CDHR3: variants seen among roughly 807,000 people sequenced by gnomAD.
The protein encoded by CDHR3 is cadherin related family member 3, also known as cadherin-related family member 3.
In CDHR3, 79 loss-of-function variants were observed where a neutral mutation model predicts 86.6. The observed-to-expected ratio is 0.91, with a 90% CI of 0.76 to 1.10. The LOEUF (loss-of-function observed/expected upper bound fraction) is 1.10, where lower values mean the gene tolerates loss of function less well. Among genes scored for constraint, CDHR3 ranks in the 50% least tolerant of loss-of-function variants. The probability of loss-of-function intolerance (pLI) is 0.00; values close to 1 mark genes in which losing one functional copy is unlikely to be tolerated. For synonymous variants in CDHR3, 421 were observed against 402.4 expected (o/e 1.05, Z -0.55); for missense variants, 1,081 against 1,077.6 (o/e 1.00, Z -0.04).
At chr7:106,027,047 A>C (rs1432820922) in intron 16 of CDHR3, among the ~76,000 whole-genome samples, 2 of 152,202 alleles carry the variant, frequency 1.3e-5, no homozygotes, top group Non-Finnish European at 2.9e-5. Flanking sequence ...ACTGCAGCCC[A>C]TGGAGGGTGT....
intron 10 of CDHR3, among the ~76,000 whole-genome samples, chr7:106,015,474 C>T (rs568816475): frequency 6.6e-6 from 1 of 152,218 alleles, no homozygotes; most frequent in South Asian, 2.1e-4. Flanking sequence ...TTTGACTTGG[C>T]ATACAAGATT....
At chr7:106,005,976 G>A (rs555786433) in intron 8 of CDHR3, among the ~76,000 whole-genome samples, 41 of 152,234 alleles carry the variant, frequency 2.7e-4, no homozygotes, top group African/African-American at 7.0e-4. Context: ...GTGACTGGGC[G>A]ATTTACAAAA....
At chr7:105,996,722 A>T (rs1832301046) in intron 6 of CDHR3, among the ~76,000 whole-genome samples, 1 of 151,508 alleles carries the variant, frequency 6.6e-6, no homozygotes, top group Non-Finnish European at 1.5e-5. Flanking sequence ...ATCACTCACG[A>T]CTCCCTAACG....
intron 3 of CDHR3, among the ~76,000 whole-genome samples, chr7:105,983,309 C>G (rs1323253141): frequency 6.6e-6 from 1 of 152,154 alleles, no homozygotes; most frequent in Non-Finnish European, 1.5e-5. Context: ...AAAGCTCAAG[C>G]TCAGATGTAA....
At chr7:106,022,086 A>C (rs1300661581) in intron 13 of CDHR3, 112 bp from the exon 14 acceptor site, 14 of 1,323,916 alleles carry the variant, frequency 1.1e-5, no homozygotes, top group Middle Eastern at 3.7e-4. Flanking sequence ...CACAGTCTAC[A>C]CTTGAGGTGT....
intron 14 of CDHR3, 104 bp from the exon 15 acceptor site, chr7:106,024,277 A>C: frequency 1.0e-6 from 1 of 968,066 alleles, no homozygotes; most frequent in Non-Finnish European, 1.6e-6. Flanking sequence ...CTTATAGAGC[A>C]ATAACAATAA....
chr7:105,990,994 C>T (rs1831271112), intron 4 of CDHR3, among the ~76,000 whole-genome samples: 2 of 152,104 alleles, frequency 1.3e-5, no homozygotes, highest in African/African-American at 4.8e-5. Flanking sequence ...AAAGGGGCGG[C>T]AAATAGAGAA....
rs191277068 is a variant in CDHR3, at chr7:106,013,065, A to G, written c.1224+34A>G. On this transcript the variant is annotated intron_variant, in intron 9 of 18. Transcript: ENST00000317716. ...ATGGTCATTGCATCATTAAAAGGGCATCGGGAATTGGTCCAACATGCATCA... is the reference window on the plus strand; with the variant it reads ...ATGGTCATTGCATCATTAAAAGGGCGTCGGGAATTGGTCCAACATGCATCA... 6.5e-6 allele frequency: 10 copies of G among 1,534,080 alleles called. No individual in the cohort carries two copies. In the Admixed American group the frequency reaches 2.1e-4, roughly 32 times the overall value.
At chr7:105,974,111 G>A (rs1220815794) in intron 1 of CDHR3, among the ~76,000 whole-genome samples, 1 of 152,186 alleles carries the variant, frequency 6.6e-6, no homozygotes, top group Non-Finnish European at 1.5e-5. Flanking sequence ...GTAGTGTTGT[G>A]CACCTTAGAA....
chr7:106,003,691 G>A (rs17288345), intron 7 of CDHR3, among the ~76,000 whole-genome samples: 24,138 of 151,996 alleles, frequency 0.16, 2,441 homozygotes, highest in Middle Eastern at 0.27. Flanking sequence ...CAAAAAGGAC[G>A]TCCAGCCTTA....
intron 7 of CDHR3, among the ~76,000 whole-genome samples, chr7:106,002,218 T>G (rs1013658685): frequency 6.6e-6 from 1 of 152,212 alleles, no homozygotes; most frequent in Non-Finnish European, 1.5e-5. Flanking sequence ...GACTGAGACC[T>G]CTATAAAAAA....
intron 11 of CDHR3, 66 bp downstream of exon 11, chr7:106,016,091 G>A: frequency 3.6e-6 from 4 of 1,116,572 alleles, no homozygotes; most frequent in Non-Finnish European, 5.3e-6. Context: ...TGTGTTCTGT[G>A]GAGTGGAAAA....
At chr7:106,022,476 A>C (rs1235456159) in intron 14 of CDHR3, 28 bp downstream of exon 14, 1 of 1,606,508 alleles carries the variant, frequency 6.2e-7, no homozygotes, top group Non-Finnish European at 8.5e-7. Context: ...TGGAATCCCC[A>C]GGCACATTCC....
chr7:106,001,733 T>C (rs1833216921), intron 7 of CDHR3, 123 bp downstream of exon 7: 2 of 1,187,572 alleles, frequency 1.7e-6, no homozygotes, highest in South Asian at 2.8e-5. Flanking sequence ...GATACCAAAA[T>C]CCACGTATGC....
chr7:106,028,968 C>T (rs1240018381), intron 17 of CDHR3, among the ~76,000 whole-genome samples: 1 of 147,730 alleles, frequency 6.8e-6, no homozygotes, highest in African/African-American at 2.5e-5. Context: ...TTCTTTCTTT[C>T]TTTCTTTCTT....
intron 9 of CDHR3, among the ~76,000 whole-genome samples, chr7:106,013,602 G>A (rs1227835147): frequency 1.3e-5 from 2 of 152,140 alleles, no homozygotes; most frequent in African/African-American, 2.4e-5. Flanking sequence ...GCTGGAAGGT[G>A]GTGGGGAAGG....
chr7:105,989,509 G>C (rs1831039115), intron 4 of CDHR3, among the ~76,000 whole-genome samples: 1 of 152,080 alleles, frequency 6.6e-6, no homozygotes, highest in Non-Finnish European at 1.5e-5. Context: ...ATTAAATTAA[G>C]AGAGCAATAA....
At chr7:106,032,238 G>A (rs1375874340) in intron 18 of CDHR3, among the ~76,000 whole-genome samples, 155 bp from the exon 19 acceptor site, 1 of 152,192 alleles carries the variant, frequency 6.6e-6, no homozygotes, top group Non-Finnish European at 1.5e-5. Flanking sequence ...AGATTGTGGG[G>A]CTATTCACAC....
At chr7:105,977,396 G>C (rs1828993818) in intron 2 of CDHR3, among the ~76,000 whole-genome samples, 1 of 152,208 alleles carries the variant, frequency 6.6e-6, no homozygotes, top group Non-Finnish European at 1.5e-5. Flanking sequence ...GTTAATCAAG[G>C]AAGAATTCCA....
Sources: allele counts gnomAD v4.1 joint callset (sites outside exome capture counted in the v4.1 genomes callset), GRCh38; gene constraint gnomAD v4.1.1; transcripts MANE v1.5; gene names NCBI Gene and HGNC (gene_info 2026-07-23, HGNC 2026-07-21).